ACTN1: variants seen among roughly 807,000 people sequenced by gnomAD.
ACTN1 encodes alpha-actinin-1.
ACTN1 carries 30 observed loss-of-function variants against 119.6 expected under a neutral mutation model. The observed-to-expected ratio is 0.25, with a 90% CI of 0.19 to 0.34. ACTN1 has a LOEUF of 0.34. Ranked by LOEUF, ACTN1 falls within the 10% of genes least tolerant of loss-of-function variation. The pLI, the probability that ACTN1 is intolerant of heterozygous loss-of-function variation, is 1.00. For synonymous variants in ACTN1, 429 were observed against 472.6 expected (o/e 0.91, Z 1.20); for missense variants, 764 against 1,223.4 (o/e 0.62, Z 5.60).
chr14:68,908,129 C>T (rs1408951239), intron 6 of ACTN1, among the ~76,000 whole-genome samples: 2 of 150,336 alleles, frequency 1.3e-5, no homozygotes, highest in African/African-American at 2.5e-5. Flanking sequence ...GCAGATGGGC[C>T]CTTCCAGTGG....
chr14:68,950,391 G>A (rs75316294), intron 1 of ACTN1, among the ~76,000 whole-genome samples: 1,502 of 148,824 alleles, frequency 0.01, 27 homozygotes, highest in African/African-American at 0.037. Flanking sequence ...TGAACTGTAC[G>A]TACACTTCAA....
intron 1 of ACTN1, chr14:68,936,554 G>T: frequency 2.2e-6 from 1 of 455,576 alleles, no homozygotes. Flanking sequence ...AGGGGGTGGC[G>T]GGAGGAACTG....
Position 68,880,404 on chromosome 14 carries a change from G to C in ACTN1, c.2134-296C>G, listed in dbSNP as rs118073494. Among the ~76,000 whole-genome samples the C allele has an allele frequency of 0.031, 4,782 of 152,072 alleles. 116 individuals carry two copies. Among genetic ancestry groups the C allele is most frequent in the South Asian group, 0.07 (339 of 4,820 alleles). On this transcript the variant is annotated intron_variant, in intron 17 of 21. Transcript: ENST00000394419. This position sits in a 1 kb window ranked among gnomAD's most constrained non-coding sequence, Gnocchi z 4.6. The stretch of plus-strand genomic sequence containing the variant: ...CAGATTTGGGGGTAGGAAAGATTGA[G>C]ACAAAAAAATGTGTGATTCCCCGAA...
At chr14:68,901,758 G>A (rs906727255) in intron 8 of ACTN1, among the ~76,000 whole-genome samples, 2 of 152,198 alleles carry the variant, frequency 1.3e-5, no homozygotes, top group African/African-American at 2.4e-5. Context: ...CCCTTTAGTC[G>A]TGGAACCCCT....
chr14:68,932,409 G>A (rs1194958721), intron 1 of ACTN1, among the ~76,000 whole-genome samples: 3 of 150,844 alleles, frequency 2.0e-5, no homozygotes, highest in Non-Finnish European at 4.4e-5. Flanking sequence ...GTGGGAGCTC[G>A]CCTTGTGAGT....
At chr14:68,961,312 GA>G (rs1212456253) in intron 1 of ACTN1, among the ~76,000 whole-genome samples, 1 of 152,196 alleles carries the variant, frequency 6.6e-6, no homozygotes, top group Non-Finnish European at 1.5e-5. Flanking sequence ...TGTACACTAT[GA>G]TTACCGCTAT....
chr14:68,883,287 G>A, intron 14 of ACTN1: 1 of 538,194 alleles, frequency 1.9e-6, no homozygotes, highest in Non-Finnish European at 3.3e-6. Flanking sequence ...CAACCTCTCT[G>A]GTGTGTTCAC....
chr14:68,874,930 G>A lies in ACTN1; in HGVS notation c.2674C>T (p.Pro892Ser). The A allele has an allele frequency of 1.9e-6, 3 of 1,612,470 alleles. No homozygotes were observed. Among genetic ancestry groups the A allele is most frequent in the East Asian group, 2.2e-5 (1 of 44,802 alleles). ...TCCAGAGCACCTGGCACGGAGTCGG[G>A]GCCGGTGTAGGGGGCCATCCGCGCG... ...CIARMAPYTGPDSVPGALDYM... is the reference protein window; with the variant it reads ...CIARMAPYTGSDSVPGALDYM... Residue 892 changes from proline to serine, a missense_variant, in exon 22 of 22, where the codon CCC becomes TCC. Around this residue, in one of 4 missense-constraint regions of ACTN1, gnomAD observed 102 missense variants for 78.2 expected, o/e 1.30. Coordinates refer to ENST00000394419, the MANE Select transcript of ACTN1 (RefSeq NM_001130004.2).
intron 1 of ACTN1, among the ~76,000 whole-genome samples, chr14:68,941,974 C>G (rs946164686): frequency 6.6e-6 from 1 of 152,154 alleles, no homozygotes. Context: ...TGAGGGACAA[C>G]CACCCGGCAG....
At chr14:68,889,945 C>CTATTAT (rs2032342078) in intron 11 of ACTN1, among the ~76,000 whole-genome samples, 194 bp downstream of exon 11, 1 of 152,256 alleles carries the variant, frequency 6.6e-6, no homozygotes, top group South Asian at 2.1e-4. Flanking sequence ...GAGGTTGGTA[C>CTATTAT]TATTATTATT....
At chr14:68,928,552 T>G (rs897397836) in intron 1 of ACTN1, among the ~76,000 whole-genome samples, 1 of 152,212 alleles carries the variant, frequency 6.6e-6, no homozygotes, top group African/African-American at 2.4e-5. Context: ...AGATCCACTA[T>G]TTACTGGCTG....
At position 68,880,645 on chromosome 14, in the gene ACTN1, T is replaced by G. The variant is rs1247365355; in HGVS notation, c.2133+165A>C. On this transcript the variant is annotated intron_variant, in intron 17 of 21. Transcript: ENST00000394419. This position sits in a 1 kb window ranked among gnomAD's most constrained non-coding sequence, Gnocchi z 4.6. ...CTAGAAATGTGCATTCTCAACACAT[T>G]CCTTGGGAAAGCAGAAGGTACTAAA... Among the ~76,000 whole-genome samples, 1 of 152,058 alleles carries G rather than the reference T, an allele frequency of 6.6e-6. No individual in the cohort carries two copies. The highest frequency in any genetic ancestry group is 1.5e-5 in the Non-Finnish European group (1 of 68,020).
At position 68,920,987 on chromosome 14, in the gene ACTN1, C is replaced by T. The variant is rs1420393476; in HGVS notation, c.340+19G>A. ...CAAAGAAAATCAGGCTCCTTGGGGCCACCAGAGGTAGGCCTTACCTTCGGC... is the reference window on the plus strand; with the variant it reads ...CAAAGAAAATCAGGCTCCTTGGGGCTACCAGAGGTAGGCCTTACCTTCGGC... On this transcript the variant is annotated intron_variant, in intron 3 of 21. Transcript: ENST00000394419. The T allele has an allele frequency of 6.2e-7, 1 of 1,613,292 alleles. No individual in the cohort carries two copies. Among genetic ancestry groups the T allele is most frequent in the Non-Finnish European group, 8.5e-7 (1 of 1,179,540 alleles).
intron 3 of ACTN1, among the ~76,000 whole-genome samples, chr14:68,916,612 C>T (rs1043041943): frequency 1.3e-5 from 2 of 152,156 alleles, no homozygotes; most frequent in African/African-American, 4.8e-5. Context: ...TCCTGTATAC[C>T]GGGCCTCCGG....
At position 68,893,721 on chromosome 14, in the gene ACTN1, G is replaced by A; in HGVS notation, c.789C>T (p.Cys263=). ...TCTCCTGGTTGACGGCCAACACCTT[G>A]CAGATGCGATTGGCTGCTGTCTCCG... ...QKAETAANRI[C]KVLAVNQENE... is the part of the protein sequence containing the mutation. Residue 263 remains cysteine, a synonymous_variant, in exon 9 of 22, where the codon TGC becomes TGT. Transcript: ENST00000394419. 1 of 1,614,124 alleles carries A rather than the reference G, an allele frequency of 6.2e-7. No individual in the cohort carries two copies.
chr14:68,959,010 G>A (rs1460851261), intron 1 of ACTN1, among the ~76,000 whole-genome samples: 1 of 152,090 alleles, frequency 6.6e-6, no homozygotes, highest in African/African-American at 2.4e-5. Context: ...AAATATTCAG[G>A]TTGGTGCAAA....
intron 1 of ACTN1, among the ~76,000 whole-genome samples, chr14:68,946,492 GGA>G (rs1393905664): frequency 6.6e-6 from 1 of 152,152 alleles, no homozygotes. Context: ...AAAAGGCAGA[GGA>G]AGAGGGGAGA....
chr14:68,905,960 G>T (rs2033639279), intron 6 of ACTN1, among the ~76,000 whole-genome samples: 1 of 146,792 alleles, frequency 6.8e-6, no homozygotes, highest in African/African-American at 2.6e-5. Flanking sequence ...TCCAGCCTGG[G>T]CAACAGAGCA....
At chr14:68,961,506 T>C (rs900549243) in intron 1 of ACTN1, among the ~76,000 whole-genome samples, 3 of 152,132 alleles carry the variant, frequency 2.0e-5, no homozygotes, top group Admixed American at 2.0e-4. Flanking sequence ...AAACGCAGTG[T>C]TCCCCTGGGT....
Sources: gnomAD v4.1 joint callset for allele counts (sites outside exome capture counted in the v4.1 genomes callset) on GRCh38, gnomAD v4.1.1 for gene constraint, gnomAD v4.1.1 regional missense constraint, Gnocchi (gnomAD v3.1) non-coding constraint, MANE v1.5 for transcripts, NCBI Gene and HGNC (gene_info 2026-07-23, HGNC 2026-07-21) for gene names.